Variants in DLC1 observed in about 807,000 individuals in gnomAD.
The protein encoded by DLC1 is DLC1 Rho GTPase activating protein.
In DLC1, 54 loss-of-function variants were observed where a neutral mutation model predicts 140.3. The ratio of observed to expected loss-of-function variants is 0.38; its 90% CI spans 0.31 to 0.48. DLC1 has a LOEUF of 0.48. Ranked by LOEUF, DLC1 falls within the 20% of genes least tolerant of loss-of-function variation. The pLI is 0.96. For synonymous variants in DLC1, 986 were observed against 728.1 expected (o/e 1.35, Z -5.70); for missense variants, 2,536 against 1,907.0 (o/e 1.33, Z -6.14).
In DLC1 at chr8:13,099,780, T is replaced by A. The variant is rs751013009; in HGVS notation, c.2557A>T (p.Arg853Trp). ...TTGGGGCTGTCGCTACTGTTTTCCC[T>A]CCTGAGGCTGATGTGGCCAGGGCCG... ...FHGPGHISLRRENSSDSPKEL... is the reference protein window; with the variant it reads ...FHGPGHISLRWENSSDSPKEL... The change falls in exon 9 of 18, where the codon AGG becomes TGG. Residue 853 changes from arginine (R) to tryptophan (W), a missense_variant. Arg to Trp is a moderately radical substitution (Grantham distance 101, BLOSUM62 -3). Coordinates refer to ENST00000276297, the MANE Select transcript of DLC1 (RefSeq NM_182643.3). 4.9e-5 allele frequency: 79 copies of A among 1,613,932 alleles called. No individual in the cohort carries two copies. In the South Asian group the frequency reaches 8.5e-4, roughly 17 times the overall value.
chr8:13,203,977 C>T (rs1381868932), intron 5 of DLC1, among the ~76,000 whole-genome samples: 1 of 152,124 alleles, frequency 6.6e-6, no homozygotes, highest in Admixed American at 6.5e-5. Context: ...GACTTCATAG[C>T]ATTAGTAACT....
chr8:13,533,622 A>G (rs537322026), intron 1 of DLC1, among the ~76,000 whole-genome samples: 1 of 152,344 alleles, frequency 6.6e-6, no homozygotes. Flanking sequence ...GCTGAGGACC[A>G]AGAATCAAAG....
intron 5 of DLC1, among the ~76,000 whole-genome samples, chr8:13,120,103 G>A (rs529678470): frequency 3.0e-4 from 45 of 151,506 alleles, no homozygotes; most frequent in Non-Finnish European, 4.0e-4. Context: ...AGCACTTTAG[G>A]AGGCCAAGGA....
At chr8:13,131,568 G>T (rs921286500) in intron 5 of DLC1, among the ~76,000 whole-genome samples, 2 of 140,968 alleles carry the variant, frequency 1.4e-5, no homozygotes, top group African/African-American at 4.9e-5. Context: ...AAGGTGGGGA[G>T]TGGGACGAAG....
chr8:13,382,367 C>G (rs1004695087), intron 4 of DLC1, among the ~76,000 whole-genome samples: 2 of 150,522 alleles, frequency 1.3e-5, no homozygotes, highest in Admixed American at 6.6e-5. Context: ...ATTAGCCGGG[C>G]GAGGTGGCGG....
chr8:13,585,908 T>C (rs55898710), intron 1 of DLC1, among the ~76,000 whole-genome samples: 11,183 of 152,266 alleles, frequency 0.073, 644 homozygotes, highest in Admixed American at 0.18. Flanking sequence ...GTATTAATTT[T>C]GGAGGGATAT....
rs1289247092 is a variant in DLC1 at position 13,547,723 on chromosome 8, C to T, written c.-125-47527G>A. 1.3e-5 allele frequency among the ~76,000 whole-genome samples: 2 copies of T among 152,008 alleles called. 1 individual carries two copies. Among genetic ancestry groups the T allele is most frequent in the Admixed American group, 1.3e-4 (2 of 15,216 alleles). On this transcript the variant is annotated intron_variant, in intron 1 of 1. Coordinates refer to the DLC1 transcript ENST00000631382. ...CTCGACTAATAACAAAATATTTAAC[C>T]TCTATCTGCACTCATCTATCAATCC... is the stretch of plus-strand genomic sequence containing the variant.
chr8:13,442,729 T>A lies in DLC1; in HGVS notation c.1024-41110A>T, dbSNP rs373766415. ...AACAGTGCTGGAGAGGATGTGGAGA[T>A]ATAGGAACACTTTTACACTGTTGGT... On this transcript the variant is annotated intron_variant, in intron 2 of 17. Coordinates refer to ENST00000276297, the MANE Select transcript of DLC1 (RefSeq NM_182643.3). Among the ~76,000 whole-genome samples the A allele has an allele frequency of 1.3e-4, 20 of 152,250 alleles. No homozygotes were observed. The South Asian group carries it at 1.5e-3, about 11-fold the overall frequency.
intron 2 of DLC1, among the ~76,000 whole-genome samples, chr8:13,463,464 G>C (rs1799770188): frequency 6.6e-6 from 1 of 152,180 alleles, no homozygotes; most frequent in African/African-American, 2.4e-5. Flanking sequence ...TACATATTCA[G>C]ACTAACAGAA....
At chr8:13,501,906 GC>G (rs1285314205) in intron 1 of DLC1, among the ~76,000 whole-genome samples, 1 of 152,098 alleles carries the variant, frequency 6.6e-6, no homozygotes, top group Non-Finnish European at 1.5e-5. Context: ...GCTTTCATGG[GC>G]ACATTTGGGA....
intron 5 of DLC1, among the ~76,000 whole-genome samples, chr8:13,260,088 C>T (rs931094890): frequency 8.5e-5 from 13 of 152,052 alleles, no homozygotes; most frequent in African/African-American, 7.2e-5. Flanking sequence ...AGTGCTTTAG[C>T]GGAACAGCAA....
chr8:13,520,429 C>T (rs902060421), intron 1 of DLC1, among the ~76,000 whole-genome samples: 2 of 151,982 alleles, frequency 1.3e-5, no homozygotes, highest in African/African-American at 4.8e-5. Flanking sequence ...ACAGTGGGAA[C>T]TCACGGACAC....
chr8:13,209,909 G>T (rs1230712381), intron 5 of DLC1, among the ~76,000 whole-genome samples: 1 of 152,062 alleles, frequency 6.6e-6, no homozygotes, highest in African/African-American at 2.4e-5. Flanking sequence ...CCCAGTTTCA[G>T]GTATTTCTTT....
intron 2 of DLC1, among the ~76,000 whole-genome samples, chr8:13,429,787 C>T (rs372306615): frequency 5.3e-5 from 8 of 152,180 alleles, no homozygotes; most frequent in South Asian, 4.1e-4. Flanking sequence ...TTTTCAGCTA[C>T]GTATAACTTA....
chr8:13,417,171 A>T (rs149480080), intron 2 of DLC1, among the ~76,000 whole-genome samples: 2 of 152,264 alleles, frequency 1.3e-5, no homozygotes, highest in African/African-American at 4.8e-5. Context: ...AAAATGAGGG[A>T]ACAAACTGAT....
intron 2 of DLC1, among the ~76,000 whole-genome samples, chr8:13,468,996 A>G (rs1272652531): frequency 6.6e-6 from 1 of 150,580 alleles, no homozygotes; most frequent in African/African-American, 2.4e-5. Flanking sequence ...AATTTTTGTA[A>G]TTTTAGTGGA....
intron 5 of DLC1, among the ~76,000 whole-genome samples, chr8:13,187,139 C>T (rs991045418): frequency 1.1e-4 from 13 of 116,574 alleles, no homozygotes; most frequent in Non-Finnish European, 5.6e-5. Context: ...CTCCCCACCT[C>T]TTCCCTGCTT....
intron 1 of DLC1, among the ~76,000 whole-genome samples, chr8:13,532,638 G>T (rs1803138212): frequency 6.6e-6 from 1 of 152,140 alleles, no homozygotes; most frequent in Non-Finnish European, 1.5e-5. Context: ...TAAGGCTGGT[G>T]TGCAGTGGTG....
chr8:13,263,746 C>A (rs1830563813), intron 5 of DLC1, among the ~76,000 whole-genome samples: 1 of 151,166 alleles, frequency 6.6e-6, no homozygotes. Flanking sequence ...ACTTTTACAG[C>A]ATTTGAAAAA....
Sources: gnomAD v4.1 joint callset for allele counts (sites outside exome capture counted in the v4.1 genomes callset) on GRCh38, gnomAD v4.1.1 for gene constraint, MANE v1.5 for transcripts, NCBI Gene and HGNC (gene_info 2026-07-23, HGNC 2026-07-21) for gene names.